The following MPPE1 variants were observed in gnomAD, a reference collection of about 807,000 sequenced individuals.
MPPE1 encodes the protein metallophosphoesterase 1, also known as metallo phosphoesterase.
In MPPE1, 28 loss-of-function variants were observed where a neutral mutation model predicts 43.8. The ratio of observed to expected loss-of-function variants is 0.64; its 90% CI spans 0.47 to 0.88. MPPE1 has a LOEUF of 0.88. Among genes scored for constraint, MPPE1 ranks in the 40% least tolerant of loss-of-function variants. MPPE1 has a pLI of 0.00. For synonymous variants in MPPE1, 159 were observed against 188.5 expected (o/e 0.84, Z 1.28); for missense variants, 428 against 492.2 (o/e 0.87, Z 1.23).
Position 11,886,716 on chromosome 18 carries a change from CAGG to C in MPPE1, c.738_740del (p.Leu247del), listed in dbSNP as rs746836767. On this transcript the variant is annotated inframe_deletion, in exon 8 of 11. Transcript: ENST00000588072. The surrounding 1 kb of genome is among the most constrained non-coding windows in gnomAD (Gnocchi z 4.1). ...GCCCTTTCCTCCCCCAGCTCACCTG[CAGG>C]AGGACAGGGGCAGACGTGGGCAGCA... 1.7e-5 allele frequency: 28 copies of C among 1,613,680 alleles called. 1 individual carries two copies. In the South Asian group the frequency reaches 3.0e-4, roughly 17 times the overall value.
At chr18:11,887,543 G>C (rs2037476066) in intron 6 of MPPE1, among the ~76,000 whole-genome samples, 1 of 152,194 alleles carries the variant, frequency 6.6e-6, no homozygotes, top group Admixed American at 6.5e-5. Context: ...AAGGCAGAGG[G>C]TAGGGTGCCG....
chr18:11,902,239 G>GC (rs2039285958), intron 2 of MPPE1: 1 of 74,782 alleles, frequency 1.3e-5, no homozygotes, highest in South Asian at 5.2e-4. Context: ...TAGAGGAGAA[G>GC]CAGCAGTGCC....
intron 2 of MPPE1, among the ~76,000 whole-genome samples, chr18:11,903,660 G>T (rs1051198023): frequency 3.9e-5 from 6 of 152,220 alleles, no homozygotes; most frequent in Non-Finnish European, 7.4e-5. Flanking sequence ...CAAAAAATTA[G>T]CCGGGCGTGG....
In MPPE1 at chr18:11,893,708, C is replaced by T. The variant is rs1293643685; in HGVS notation, c.282-132G>A. ...CTTCCAGAGCCCCACTCTTGCATTC[C>T]CATCCCTGGCTTGAAGGGCCAAAGA... On this transcript the variant is annotated intron_variant, in intron 3 of 10. Transcript: ENST00000588072. 2.7e-5 allele frequency: 19 copies of T among 697,844 alleles called. No homozygotes were observed. In the East Asian group the frequency reaches 4.1e-4, roughly 15 times the overall value. 43.2% of individuals were successfully genotyped at this position (697,844 alleles called of 1,614,324 possible). A position where few individuals can be genotyped will look rare whatever the true frequency, so the allele number is the denominator to read the frequency against.
At chr18:11,905,627 A>C (rs966245272) in intron 2 of MPPE1, 9 of 152,048 alleles carry the variant, frequency 5.9e-5, no homozygotes, top group African/African-American at 2.2e-4. Context: ...GCCAAACCTT[A>C]CCCCAGCCTC....
At chr18:11,901,543 T>G (rs996447654) in intron 2 of MPPE1, among the ~76,000 whole-genome samples, 2 of 151,326 alleles carry the variant, frequency 1.3e-5, no homozygotes, top group African/African-American at 4.8e-5. Context: ...AGTACTTAAT[T>G]TAAAAGGGAA....
Position 11,886,717 on chromosome 18 carries a change from AGGAGGACAGGG to A in MPPE1, c.729_739del (p.Pro244AlafsTer10), listed in dbSNP as rs768493522. 5 of 1,613,536 alleles carry A rather than the reference AGGAGGACAGGG, an allele frequency of 3.1e-6. No individual in the cohort carries two copies. The African/African-American group carries it at 4.0e-5, about 13-fold the overall frequency. On this transcript the variant is annotated frameshift_variant, in exon 8 of 11. Transcript: ENST00000588072. LOFTEE classifies it high-confidence loss of function. The surrounding 1 kb of genome is among the most constrained non-coding windows in gnomAD (Gnocchi z 4.1). The stretch of plus-strand genomic sequence containing the variant: ...CCCTTTCCTCCCCCAGCTCACCTGC[AGGAGGACAGGG>A]GCAGACGTGGGCAGCAGAGGCCCAG...
chr18:11,885,112 G>T, intron 10 of MPPE1: 1 of 1,135,386 alleles, frequency 8.8e-7, no homozygotes, highest in Non-Finnish European at 1.1e-6. Context: ...TGGAACAACA[G>T]TGGCAAATGT....
chr18:11,904,779 T>C (rs758346351), intron 2 of MPPE1, among the ~76,000 whole-genome samples: 11 of 151,126 alleles, frequency 7.3e-5, no homozygotes, highest in African/African-American at 1.9e-4. Flanking sequence ...CTACTAAATA[T>C]ATTTAATACA....
chr18:11,885,267 A>G (rs2037022874), intron 10 of MPPE1: 1 of 272,818 alleles, frequency 3.7e-6, no homozygotes. Flanking sequence ...TAAGTGAAAC[A>G]TCTTTTATCA....
intron 2 of MPPE1, among the ~76,000 whole-genome samples, chr18:11,903,124 AC>A (rs2039360772): frequency 6.6e-6 from 1 of 152,162 alleles, no homozygotes; most frequent in Non-Finnish European, 1.5e-5. Flanking sequence ...TCAGGTGATC[AC>A]CAGGTGCCCA....
At chr18:11,895,767 G>A (rs1019516826) in intron 3 of MPPE1, among the ~76,000 whole-genome samples, 1 of 152,062 alleles carries the variant, frequency 6.6e-6, no homozygotes, top group South Asian at 2.1e-4. Context: ...GTCTTGCCAC[G>A]TTGCCCAGGC....
At chr18:11,892,879 G>T (rs1160963825) in intron 4 of MPPE1, among the ~76,000 whole-genome samples, 2 of 152,102 alleles carry the variant, frequency 1.3e-5, no homozygotes, top group African/African-American at 2.4e-5. Flanking sequence ...ACTAAGGTGA[G>T]AACAGCTTTT....
chr18:11,907,867 T>C (rs571573235), intron 1 of MPPE1: 1 of 152,118 alleles, frequency 6.6e-6, no homozygotes, highest in South Asian at 2.1e-4. Context: ...CCCCCCAAAA[T>C]ATGAAAAAAA....
At chr18:11,888,277 T>C (rs529392574) in intron 6 of MPPE1, among the ~76,000 whole-genome samples, 1 of 152,336 alleles carries the variant, frequency 6.6e-6, no homozygotes, top group African/African-American at 2.4e-5. Flanking sequence ...ATAGTAGTTA[T>C]GACACCATAA....
intron 3 of MPPE1, 149 bp from the exon 4 acceptor site, chr18:11,893,725 G>A (rs1793843016): frequency 4.6e-6 from 3 of 649,788 alleles, no homozygotes; most frequent in Non-Finnish European, 8.0e-6. Flanking sequence ...TGGCTTGAAG[G>A]GCCAAAGAGT....
rs1178798053 is a variant in MPPE1, at chr18:11,883,261, A to AAGAT, written c.*1180_*1183dup. 4 of 152,216 alleles carry AAGAT rather than the reference A, an allele frequency of 2.6e-5. No homozygotes were observed. The highest frequency in any genetic ancestry group is 3.8e-4 in the East Asian group (2 of 5,198). 9.4% of individuals were successfully genotyped at this position (152,216 alleles called of 1,614,324 possible). ...GTCTCATAAAGCCCTCAGCTGAACT[A>AAGAT]AGATAAATAATACAATGGAAATTAT... On this transcript the variant is annotated 3_prime_UTR_variant, in exon 11 of 11. Coordinates refer to ENST00000588072, the MANE Select transcript of MPPE1 (RefSeq NM_023075.6).
intron 2 of MPPE1, chr18:11,897,672 G>A (rs1198169582): frequency 6.3e-6 from 1 of 158,978 alleles, no homozygotes; most frequent in Admixed American, 6.3e-5. Flanking sequence ...CAAGGTAGGA[G>A]ACATAATGGG....
chr18:11,890,195 G>T (rs978016598), intron 4 of MPPE1, among the ~76,000 whole-genome samples: 12 of 152,264 alleles, frequency 7.9e-5, no homozygotes, highest in Non-Finnish European at 1.3e-4. Context: ...GCCCGCCTCG[G>T]CCTCCCAAAG....
Sources: gnomAD v4.1 joint callset for allele counts (sites outside exome capture counted in the v4.1 genomes callset) on GRCh38, gnomAD v4.1.1 for gene constraint, Gnocchi (gnomAD v3.1) non-coding constraint, MANE v1.5 for transcripts, NCBI Gene and HGNC (gene_info 2026-07-23, HGNC 2026-07-21) for gene names.